Variants in CEP83 observed in about 807,000 individuals in gnomAD.
The protein encoded by CEP83 is centrosomal protein 83.
Under a neutral mutation model 101.9 loss-of-function variants are expected in CEP83, and 70 were observed. That is an observed-to-expected ratio of 0.69 (90% CI 0.57 to 0.84). The LOEUF is 0.84. Among genes scored for constraint, CEP83 ranks in the 40% least tolerant of loss-of-function variants. The pLI, the probability that CEP83 is intolerant of heterozygous loss-of-function variation, is 0.00. For synonymous variants in CEP83, 264 were observed against 267.9 expected (o/e 0.99, Z 0.14); for missense variants, 715 against 787.2 (o/e 0.91, Z 1.10).
At chr12:94,382,744 G>T (rs1362766034) in intron 6 of CEP83, among the ~76,000 whole-genome samples, 1 of 151,896 alleles carries the variant, frequency 6.6e-6, no homozygotes, top group Non-Finnish European at 1.5e-5. Context: ...TAAGTTTGTT[G>T]AGGTTTATTT....
the CEP83 span, chr12:94,277,121 G>T: frequency 6.6e-6 from 1 of 152,182 alleles, no homozygotes; most frequent in African/African-American, 2.4e-5. Flanking sequence ...AGTTCTGGAG[G>T]ATGAGAAGTC....
At chr12:94,290,522 A>G in the CEP83 span, among the ~76,000 whole-genome samples, 2 of 151,896 alleles carry the variant, frequency 1.3e-5, no homozygotes, top group Non-Finnish European at 2.9e-5. Flanking sequence ...TGCTGCCCCC[A>G]CCCCACCACC....
intron 6 of CEP83, among the ~76,000 whole-genome samples, chr12:94,385,542 T>C (rs2062093667): frequency 6.6e-6 from 1 of 152,208 alleles, no homozygotes; most frequent in Non-Finnish European, 1.5e-5. Context: ...GCTGGCCTTG[T>C]AGAATGAGTT....
At chr12:94,383,948 A>G (rs2061992062) in intron 6 of CEP83, among the ~76,000 whole-genome samples, 1 of 152,196 alleles carries the variant, frequency 6.6e-6, no homozygotes, top group South Asian at 2.1e-4. Flanking sequence ...TTAGAACCAC[A>G]TCAGAGTTAA....
chr12:94,286,152 T>G, the CEP83 span, among the ~76,000 whole-genome samples: 1 of 152,206 alleles, frequency 6.6e-6, no homozygotes, highest in Admixed American at 6.5e-5. Flanking sequence ...TGTAGTCACT[T>G]CCCGTCCAAA....
downstream of CEP83, chr12:94,306,083 C>T (rs1005320315): frequency 2.0e-5 from 3 of 151,902 alleles, no homozygotes; most frequent in Admixed American, 6.6e-5. Flanking sequence ...GGATATTATA[C>T]AAAAAAATCA....
rs1450004634 is a variant in CEP83 at position 94,367,867 on chromosome 12, C to T, written c.1270G>A (p.Asp424Asn). 6.2e-7 allele frequency: 1 copy of T among 1,613,580 alleles called. No homozygotes were observed. Among genetic ancestry groups the T allele is most frequent in the East Asian group, 2.2e-5 (1 of 44,844 alleles). The change falls in exon 11 of 17, where the codon GAT becomes AAT. Residue 424 changes from aspartate (D) to asparagine (N), a missense_variant. By Grantham distance (23) the Asp-to-Asn change is conservative (BLOSUM62 1). Transcript: ENST00000397809. ...EHDVWRQSEK[D>N]QYEEKLRASQ... is the part of the protein sequence containing the mutation. The stretch of plus-strand genomic sequence containing the variant: ...GCCCGCAATTTCTCTTCATACTGAT[C>T]CTTTTCAGATTGCCTCCAGACATCA...
intron 6 of CEP83, among the ~76,000 whole-genome samples, chr12:94,385,503 T>G (rs2062090761): frequency 6.6e-6 from 1 of 152,066 alleles, no homozygotes; most frequent in African/African-American, 2.4e-5. Context: ...GGTGAAGATG[T>G]CTTTGTCTGG....
At chr12:94,408,789 G>A (rs573391865) in intron 4 of CEP83, among the ~76,000 whole-genome samples, 4 of 151,906 alleles carry the variant, frequency 2.6e-5, no homozygotes, top group East Asian at 3.9e-4. Context: ...ACCCAGTTAC[G>A]TTACCCAGGC....
At chr12:94,395,781 G>A (rs560396290) in intron 6 of CEP83, among the ~76,000 whole-genome samples, 9 of 152,276 alleles carry the variant, frequency 5.9e-5, no homozygotes, top group East Asian at 3.9e-4. Context: ...AGATGGCGCC[G>A]CTGCGCTCCA....
intron 1 of CEP83, among the ~76,000 whole-genome samples, chr12:94,457,534 G>C (rs2067775574): frequency 1.3e-5 from 2 of 152,252 alleles, no homozygotes; most frequent in East Asian, 1.9e-4. Context: ...AGGATTATAC[G>C]AGTCATTCTT....
chr12:94,447,150 G>A (rs919013795), intron 1 of CEP83, among the ~76,000 whole-genome samples: 2 of 152,162 alleles, frequency 1.3e-5, no homozygotes, highest in African/African-American at 2.4e-5. Context: ...AAGACAAGTC[G>A]CTGCTGTGAG....
chr12:94,397,316 T>C (rs553908135), intron 6 of CEP83, among the ~76,000 whole-genome samples: 2 of 152,228 alleles, frequency 1.3e-5, no homozygotes, highest in South Asian at 2.1e-4. Flanking sequence ...CTGGCCAACA[T>C]GGTGAAACCC....
chr12:94,296,472 C>A, the CEP83 span, among the ~76,000 whole-genome samples: 28 of 152,250 alleles, frequency 1.8e-4, no homozygotes, highest in Non-Finnish European at 3.4e-4. Flanking sequence ...AACTTTAAAA[C>A]AAACAAACCA....
rs377015196 is a variant in CEP83, at chr12:94,331,752, T to A, written c.1655A>T (p.Lys552Met). 7.4e-6 allele frequency: 12 copies of A among 1,613,974 alleles called. No homozygotes were observed. In the African/African-American group the frequency reaches 1.5e-4, roughly 20 times the overall value. Residue 552 changes from lysine (K) to methionine (M), a missense_variant, in exon 14 of 17, where the codon AAG (lysine) becomes ATG (methionine). Coordinates refer to ENST00000397809, the MANE Select transcript of CEP83 (RefSeq NM_016122.3). ...LHERITDREE[K>M]YNQAKEKLQR... ...CAGTTTCTCCTTAGCTTGATTGTAC[T>A]TTTCTTCTCTGTCTGTGATACGCTC...
At chr12:94,266,321 C>T in the CEP83 span, among the ~76,000 whole-genome samples, 1 of 152,232 alleles carries the variant, frequency 6.6e-6, no homozygotes, top group Admixed American at 6.5e-5. Context: ...CCATGCACAG[C>T]TGCCATCCGA....
chr12:94,423,591 G>C (rs1396679806), intron 2 of CEP83, among the ~76,000 whole-genome samples: 1 of 151,568 alleles, frequency 6.6e-6, no homozygotes, highest in Non-Finnish European at 1.5e-5. Context: ...TCTTTTTCCA[G>C]GCCCAGGCCT....
chr12:94,273,654 C>G, the CEP83 span, among the ~76,000 whole-genome samples: 1 of 152,166 alleles, frequency 6.6e-6, no homozygotes, highest in Admixed American at 6.5e-5. Flanking sequence ...AGTTCTTCTA[C>G]TAGTCTGCTA....
chr12:94,380,295 G>C (rs1365032724), intron 6 of CEP83, among the ~76,000 whole-genome samples: 1 of 152,064 alleles, frequency 6.6e-6, no homozygotes, highest in Admixed American at 6.6e-5. Flanking sequence ...TTAACACATA[G>C]TGATTCCAGT....
Sources: allele counts gnomAD v4.1 joint callset (sites outside exome capture counted in the v4.1 genomes callset), GRCh38; gene constraint gnomAD v4.1.1; transcripts MANE v1.5; gene names NCBI Gene and HGNC (gene_info 2026-07-23, HGNC 2026-07-21).